The following CNTN4 variants were observed in gnomAD, a reference collection of about 807,000 sequenced individuals.
The protein encoded by CNTN4 is contactin 4, also known as contactin-4.
Under a neutral mutation model 122.5 loss-of-function variants are expected in CNTN4, and 77 were observed. That is an observed-to-expected ratio of 0.63 (90% CI 0.52 to 0.76). The LOEUF (loss-of-function observed/expected upper bound fraction) is 0.76, where lower values mean the gene tolerates loss of function less well. Among genes scored for constraint, CNTN4 ranks in the 30% least tolerant of loss-of-function variants. CNTN4 has a pLI of 0.00. For missense variants in CNTN4, 1,256 were observed against 1,259.1 expected, an observed-to-expected ratio of 1.00 and a Z score of 0.04; for synonymous variants, 512 against 447.0, an observed-to-expected ratio of 1.15 and a Z score of -1.83.
chr3:2,389,608 G>C (rs139960389), intron 3 of CNTN4, among the ~76,000 whole-genome samples: 1 of 151,534 alleles, frequency 6.6e-6, no homozygotes, highest in Non-Finnish European at 1.5e-5. Flanking sequence ...CTTTTACTAT[G>C]GTCTATCTCC....
At chr3:2,950,675 C>T (rs2094731038) in intron 13 of CNTN4, among the ~76,000 whole-genome samples, 1 of 152,190 alleles carries the variant, frequency 6.6e-6, no homozygotes, top group Non-Finnish European at 1.5e-5. Context: ...CTCATTTGAG[C>T]TCCCTTGTCA....
Position 2,383,013 on chromosome 3 carries a change from T to G in CNTN4, c.-89+43780T>G, listed in dbSNP as rs189993075. On this transcript the variant is annotated intron_variant, in intron 3 of 24. Transcript: ENST00000418658. Reference sequence around the variant, plus strand: ...TTGCTTGAACTCGGGAGGCGGAGGTTGCAGTGAGCCGAGATTGTGCCACTG... The same window carrying G: ...TTGCTTGAACTCGGGAGGCGGAGGTGGCAGTGAGCCGAGATTGTGCCACTG... Among the ~76,000 whole-genome samples the G allele has an allele frequency of 2.0e-4, 30 of 151,576 alleles. No homozygotes were observed. In the East Asian group the frequency reaches 2.9e-3, roughly 15 times the overall value.
In CNTN4 at chr3:2,895,903, G is replaced by T. The variant is rs532809292; in HGVS notation, c.941-4782G>T. Among the ~76,000 whole-genome samples, 13 of 152,078 alleles carry T rather than the reference G, an allele frequency of 8.5e-5. No individual in the cohort carries two copies. In the East Asian group the frequency reaches 1.9e-3, roughly 23 times the overall value. The stretch of plus-strand genomic sequence containing the variant: ...CAAAAATTAGCCGAGCGTGGTGGCG[G>T]GCGCCTGTGGTCCCAGCTACTCGGG... On this transcript the variant is annotated intron_variant, in intron 10 of 24. Coordinates refer to ENST00000418658, the MANE Select transcript of CNTN4 (RefSeq NM_175607.3).
chr3:2,339,255 A>C (rs964684488), intron 3 of CNTN4, 22 bp downstream of exon 3: 1 of 152,126 alleles, frequency 6.6e-6, no homozygotes, highest in Non-Finnish European at 1.5e-5. Context: ...ACAAGGGAAG[A>C]TTTTCCTTAT....
chr3:2,914,301 A>G (rs1397484396), intron 12 of CNTN4, among the ~76,000 whole-genome samples: 5 of 152,176 alleles, frequency 3.3e-5, no homozygotes, highest in Non-Finnish European at 7.3e-5. Context: ...AATAATATAT[A>G]TTAGAGCAGA....
chr3:2,845,411 A>G (rs982357685), intron 7 of CNTN4, among the ~76,000 whole-genome samples: 10 of 152,028 alleles, frequency 6.6e-5, no homozygotes, highest in Non-Finnish European at 1.5e-4. Flanking sequence ...AATAAATTTA[A>G]TTGCCTAAAA....
At chr3:2,757,041 A>T (rs192008389) in intron 6 of CNTN4, among the ~76,000 whole-genome samples, 1 of 152,204 alleles carries the variant, frequency 6.6e-6, no homozygotes, top group African/African-American at 2.4e-5. Context: ...ATGAGATCAA[A>T]ATCAGGTGCT....
chr3:2,887,680 C>G (rs2151018582), intron 10 of CNTN4, among the ~76,000 whole-genome samples: 1 of 152,122 alleles, frequency 6.6e-6, no homozygotes, highest in African/African-American at 2.4e-5. Context: ...ATGAACATTT[C>G]AAAATGCACA....
chr3:2,637,433 A>C (rs1296209612), intron 4 of CNTN4, among the ~76,000 whole-genome samples: 1 of 152,064 alleles, frequency 6.6e-6, no homozygotes, highest in Non-Finnish European at 1.5e-5. Flanking sequence ...TCAAAGTTAG[A>C]TTAGGCATTC....
At chr3:2,820,648 A>G (rs2092842444) in intron 7 of CNTN4, among the ~76,000 whole-genome samples, 1 of 152,142 alleles carries the variant, frequency 6.6e-6, no homozygotes, top group Non-Finnish European at 1.5e-5. Flanking sequence ...ACCAAGAGTC[A>G]CCTAATTAGC....
chr3:2,832,373 C>T (rs770479924), intron 7 of CNTN4, among the ~76,000 whole-genome samples: 3 of 152,018 alleles, frequency 2.0e-5, no homozygotes, highest in Admixed American at 1.3e-4. Context: ...TAGGGAGGAG[C>T]GGGGTAATGA....
rs115079136 is a variant in CNTN4 at position 2,195,633 on chromosome 3, A to T, written c.-145+94994A>T. ...TGGTTACCTACACAGGAAGAGAAAT[A>T]TTCAACACCTTTACATGTTTGGCAC... On this transcript the variant is annotated intron_variant, in intron 2 of 24. Coordinates refer to ENST00000418658, the MANE Select transcript of CNTN4 (RefSeq NM_175607.3). 7.7e-3 allele frequency among the ~76,000 whole-genome samples: 1,179 copies of T among 152,344 alleles called. 13 individuals carry two copies. Among genetic ancestry groups the T allele is most frequent in the African/African-American group, 0.027 (1,142 of 41,586 alleles).
intron 3 of CNTN4, among the ~76,000 whole-genome samples, chr3:2,380,755 C>T (rs2045988548): frequency 6.7e-6 from 1 of 150,030 alleles, no homozygotes; most frequent in Admixed American, 6.6e-5. Context: ...ATAACTTATT[C>T]TCTCTAGAGT....
At chr3:2,460,727 C>A (rs945197099) in intron 3 of CNTN4, among the ~76,000 whole-genome samples, 1 of 152,158 alleles carries the variant, frequency 6.6e-6, no homozygotes, top group Non-Finnish European at 1.5e-5. Context: ...CAACGCAAAT[C>A]TTTTCTTATA....
chr3:2,707,474 T>G (rs2086810438), intron 4 of CNTN4, among the ~76,000 whole-genome samples: 1 of 152,186 alleles, frequency 6.6e-6, no homozygotes, highest in South Asian at 2.1e-4. Context: ...ATAAGAATTC[T>G]CAGCTGGTTG....
chr3:3,011,725 G>T (rs1190688623), intron 14 of CNTN4, among the ~76,000 whole-genome samples: 1 of 152,078 alleles, frequency 6.6e-6, no homozygotes, highest in African/African-American at 2.4e-5. Context: ...ATTTTGTCCT[G>T]ACTTAGAGTC....
chr3:2,221,127 C>G (rs4685499), intron 2 of CNTN4, among the ~76,000 whole-genome samples: 36,356 of 151,872 alleles, frequency 0.24, 5,478 homozygotes, highest in South Asian at 0.39. Context: ...ATGTAATTGA[C>G]AGAATACAAT....
At chr3:2,653,069 A>C (rs1286380010) in intron 4 of CNTN4, among the ~76,000 whole-genome samples, 1 of 152,116 alleles carries the variant, frequency 6.6e-6, no homozygotes, top group African/African-American at 2.4e-5. Flanking sequence ...ACTATAAATT[A>C]ATGAAGCTAA....
chr3:2,401,737 C>G (rs2046866736), intron 3 of CNTN4, among the ~76,000 whole-genome samples: 1 of 152,064 alleles, frequency 6.6e-6, no homozygotes, highest in Non-Finnish European at 1.5e-5. Context: ...GTTTCTATAG[C>G]TAATAATAGA....
Sources: allele counts gnomAD v4.1 joint callset (sites outside exome capture counted in the v4.1 genomes callset), GRCh38; gene constraint gnomAD v4.1.1; transcripts MANE v1.5; gene names NCBI Gene and HGNC (gene_info 2026-07-23, HGNC 2026-07-21).